TMSB15B: variants seen among roughly 807,000 people sequenced by gnomAD.
TMSB15B encodes thymosin beta-15B.
intron 1 of TMSB15B, among the ~76,000 whole-genome samples, chrX:103,924,634 A>C (rs781830451): frequency 9.0e-6 from 1 of 111,671 alleles, no homozygotes; most frequent in Middle Eastern, 4.2e-3. Flanking sequence ...CCAATGATTT[A>C]GTGGATGATC....
chrX:103,953,976 C>T (rs1255835010), intron 1 of TMSB15B, among the ~76,000 whole-genome samples: 34 of 111,771 alleles, frequency 3.0e-4, no homozygotes, highest in African/African-American at 1.1e-3. Flanking sequence ...CCGACACACC[C>T]TCCATTGCTT....
At chrX:103,949,108 C>T (rs2075032801) in intron 1 of TMSB15B, among the ~76,000 whole-genome samples, 1 of 110,525 alleles carries the variant, frequency 9.0e-6, no homozygotes, top group African/African-American at 3.3e-5. Flanking sequence ...TGCTATGGTC[C>T]TATGGCAAGA....
chrX:103,925,253 T>C (rs149461384), intron 1 of TMSB15B, among the ~76,000 whole-genome samples: 38 of 112,204 alleles, frequency 3.4e-4, no homozygotes, highest in African/African-American at 1.1e-3. Context: ...GGTCACACAA[T>C]TAAGTAAGTG....
At chrX:103,928,588 G>A in intron 1 of TMSB15B, 1 of 1,172,173 alleles carries the variant, frequency 8.5e-7, no homozygotes, top group Non-Finnish European at 1.2e-6. Context: ...CAATTCTTAT[G>A]GGCTTTGGGG....
intron 1 of TMSB15B, among the ~76,000 whole-genome samples, chrX:103,933,209 A>T (rs782650503): frequency 4.3e-4 from 48 of 111,759 alleles, no homozygotes; most frequent in Non-Finnish European, 8.7e-4. Context: ...TAAATCAGAA[A>T]CTATAAAAAG....
chrX:103,935,564 A>G (rs1185071213), intron 1 of TMSB15B, among the ~76,000 whole-genome samples: 4 of 111,317 alleles, frequency 3.6e-5, no homozygotes, highest in Non-Finnish European at 5.6e-5. Context: ...GCATATGGCT[A>G]GCTTGTTTTC....
At chrX:103,929,809 G>T (rs1413517517) in intron 1 of TMSB15B, among the ~76,000 whole-genome samples, 1 of 111,410 alleles carries the variant, frequency 9.0e-6, no homozygotes, top group Admixed American at 9.5e-5. Context: ...ACCTGGAAGT[G>T]AAGTGACCAT....
At chrX:103,939,863 C>A (rs1430864150) in intron 1 of TMSB15B, among the ~76,000 whole-genome samples, 1 of 111,808 alleles carries the variant, frequency 8.9e-6, no homozygotes, top group Non-Finnish European at 1.9e-5. Context: ...CTTTTTGTTG[C>A]TGTTGATGGT....
chrX:103,929,098 C>G, intron 1 of TMSB15B: 1 of 789,414 alleles, frequency 1.3e-6, no homozygotes, highest in Non-Finnish European at 1.8e-6. Context: ...TTCTTTGGCT[C>G]GGTTGCCTAA....
intron 1 of TMSB15B, among the ~76,000 whole-genome samples, chrX:103,937,432 T>C (rs1385290166): frequency 8.9e-6 from 1 of 112,138 alleles, no homozygotes; most frequent in Non-Finnish European, 1.9e-5. Flanking sequence ...CCATTTCTTA[T>C]AGATTTTCTA....
At chrX:103,952,772 T>C (rs1454828949) in intron 1 of TMSB15B, among the ~76,000 whole-genome samples, 1 of 111,491 alleles carries the variant, frequency 9.0e-6, no homozygotes, top group African/African-American at 3.3e-5. Flanking sequence ...GTTTGGTCTA[T>C]GGAGAGGTGG....
intron 1 of TMSB15B, among the ~76,000 whole-genome samples, chrX:103,935,177 T>G (rs1556321090): frequency 8.9e-6 from 1 of 112,291 alleles, no homozygotes; most frequent in Admixed American, 9.5e-5. Context: ...TGTGCCCACT[T>G]TTTGATGGGG....
chrX:103,924,995 A>C (rs1278971318), intron 1 of TMSB15B, among the ~76,000 whole-genome samples: 1 of 112,350 alleles, frequency 8.9e-6, no homozygotes, highest in Non-Finnish European at 1.9e-5. Context: ...ATGTGTTCCT[A>C]CATGCCTCTT....
intron 1 of TMSB15B, among the ~76,000 whole-genome samples, chrX:103,946,161 G>A (rs1371852993): frequency 6.1e-4 from 68 of 112,051 alleles, no homozygotes; most frequent in Middle Eastern, 4.6e-3. Context: ...GCTTGTGTTC[G>A]TTCCCAATGC....
chrX:103,945,053 C>T (rs1178679350), intron 1 of TMSB15B, among the ~76,000 whole-genome samples: 6 of 112,861 alleles, frequency 5.3e-5, no homozygotes, highest in Admixed American at 2.8e-4. Flanking sequence ...GATGGGATTA[C>T]AGGCGTGAGC....
intron 1 of TMSB15B, among the ~76,000 whole-genome samples, chrX:103,948,448 T>C (rs1204724818): frequency 2.7e-5 from 3 of 111,948 alleles, no homozygotes; most frequent in African/African-American, 9.8e-5. Flanking sequence ...CCAGGAGACA[T>C]GTTTATAGAC....
chrX:103,935,842 TG>T (rs1366250584), intron 1 of TMSB15B, among the ~76,000 whole-genome samples: 34 of 105,647 alleles, frequency 3.2e-4, no homozygotes, highest in African/African-American at 1.1e-3. Flanking sequence ...ACATAGGAGT[TG>T]TTTTTTTTTT....
Position 103,927,353 on chromosome X carries a change from C to G in TMSB15B, c.-721+8061C>G, listed in dbSNP as rs189417894. Among the ~76,000 whole-genome samples, 303 of 112,334 alleles carry G rather than the reference C, an allele frequency of 2.7e-3. 1 individual carries two copies. Among genetic ancestry groups the G allele is most frequent in the African/African-American group, 9.0e-3 (278 of 30,935 alleles). On this transcript the variant is annotated intron_variant, in intron 1 of 3. Transcript: ENST00000419165. ...ACCAAGAATAAAAAATTATCCTGCC[C>G]AAAATGTCAATAGCACTGAATTTAA... is the stretch of plus-strand genomic sequence containing the variant.
At chrX:103,922,314 C>T (rs1316519103) in intron 1 of TMSB15B, among the ~76,000 whole-genome samples, 4 of 106,661 alleles carry the variant, frequency 3.8e-5, no homozygotes, top group East Asian at 2.9e-4. Context: ...CCCATTAACT[C>T]GTCATTTACA....
Sources: gnomAD v4.1 joint callset for allele counts (sites outside exome capture counted in the v4.1 genomes callset) on GRCh38, gnomAD v4.1.1 for gene constraint, MANE v1.5 for transcripts, NCBI Gene and HGNC (gene_info 2026-07-23, HGNC 2026-07-21) for gene names.